Variants in AFAP1L2 observed in about 807,000 individuals in gnomAD.
AFAP1L2 encodes the protein actin filament associated protein 1 like 2.
AFAP1L2 carries 46 observed loss-of-function variants against 99.3 expected under a neutral mutation model. The ratio of observed to expected loss-of-function variants is 0.46; its 90% CI spans 0.37 to 0.59. AFAP1L2 has a LOEUF of 0.59. Among genes scored for constraint, AFAP1L2 ranks in the 20% least tolerant of loss-of-function variants. AFAP1L2 has a pLI of 0.00. For missense variants in AFAP1L2, 959 were observed against 1,034.9 expected, an observed-to-expected ratio of 0.93 and a Z score of 1.01; for synonymous variants, 397 against 419.1, an observed-to-expected ratio of 0.95 and a Z score of 0.64.
chr10:114,371,891 G>C (rs1401935843), intron 1 of AFAP1L2, among the ~76,000 whole-genome samples: 1 of 151,842 alleles, frequency 6.6e-6, no homozygotes, highest in Non-Finnish European at 1.5e-5. Flanking sequence ...TCCCTTTATA[G>C]CTCATATACC....
At chr10:114,332,836 C>A (rs1401504088) in intron 3 of AFAP1L2, among the ~76,000 whole-genome samples, 1 of 152,192 alleles carries the variant, frequency 6.6e-6, no homozygotes, top group Non-Finnish European at 1.5e-5. Context: ...TTGCTGACAC[C>A]ACCATTTACT....
downstream of AFAP1L2, among the ~76,000 whole-genome samples, chr10:114,294,505 C>A (rs192467391): frequency 6.6e-6 from 1 of 152,284 alleles, no homozygotes; most frequent in East Asian, 1.9e-4. Context: ...TTAATTACTA[C>A]TTAGGCAACC....
intron 1 of AFAP1L2, among the ~76,000 whole-genome samples, chr10:114,356,210 G>A (rs1270649013): frequency 1.3e-5 from 2 of 152,100 alleles, no homozygotes; most frequent in Non-Finnish European, 2.9e-5. Flanking sequence ...AGCAGAGTCT[G>A]GGGAAATACT....
At chr10:114,320,029 C>T (rs558225606) in intron 5 of AFAP1L2, among the ~76,000 whole-genome samples, 33 of 152,246 alleles carry the variant, frequency 2.2e-4, no homozygotes, top group African/African-American at 7.2e-4. Flanking sequence ...GGAAGGAGCC[C>T]GGGCACCTAA....
At chr10:114,360,131 C>G (rs559838000) in intron 1 of AFAP1L2, among the ~76,000 whole-genome samples, 1 of 147,758 alleles carries the variant, frequency 6.8e-6, no homozygotes, top group Admixed American at 6.6e-5. Flanking sequence ...GCAGATGGCC[C>G]CTCTATGTGA....
chr10:114,307,724 C>A, intron 10 of AFAP1L2, 81 bp downstream of exon 10: 2 of 1,217,548 alleles, frequency 1.6e-6, no homozygotes, highest in South Asian at 1.2e-5. Flanking sequence ...AACCCCCTGC[C>A]TTCGCTGTCT....
chr10:114,304,956 A>T, intron 10 of AFAP1L2, 26 bp from the exon 11 acceptor site: 1 of 1,277,376 alleles, frequency 7.8e-7, no homozygotes, highest in Non-Finnish European at 1.0e-6. Flanking sequence ...CAGATGCAGG[A>T]GGGGACAGGG....
At chr10:114,319,129 G>A (rs568795342) in intron 5 of AFAP1L2, among the ~76,000 whole-genome samples, 10 of 152,268 alleles carry the variant, frequency 6.6e-5, no homozygotes, top group Admixed American at 2.0e-4. Context: ...ACTTCAGCCT[G>A]GGTGACAGAG....
At chr10:114,350,278 C>T (rs1408503711) in intron 1 of AFAP1L2, among the ~76,000 whole-genome samples, 1 of 152,212 alleles carries the variant, frequency 6.6e-6, no homozygotes, top group Non-Finnish European at 1.5e-5. Context: ...ACTACCTGTC[C>T]ATCCGGCCCA....
downstream of AFAP1L2, chr10:114,290,156 C>T (rs1589848097): frequency 6.6e-7 from 1 of 1,511,016 alleles, no homozygotes; most frequent in Admixed American, 2.0e-5. Context: ...AGCCTTGCAC[C>T]TCTACTGGGC....
chr10:114,337,546 C>A (rs1449658425), intron 2 of AFAP1L2, among the ~76,000 whole-genome samples: 2 of 152,156 alleles, frequency 1.3e-5, no homozygotes, highest in African/African-American at 4.8e-5. Flanking sequence ...CCTTGGGGAA[C>A]CCATGACCAG....
chr10:114,378,706 A>T (rs2055142527), intron 1 of AFAP1L2, among the ~76,000 whole-genome samples: 1 of 152,174 alleles, frequency 6.6e-6, no homozygotes, highest in Admixed American at 6.5e-5. Flanking sequence ...GGCCTAGAGG[A>T]GGAGAAGCAA....
chr10:114,314,542 A>G (rs916450492), intron 6 of AFAP1L2, among the ~76,000 whole-genome samples: 2 of 152,236 alleles, frequency 1.3e-5, no homozygotes, highest in African/African-American at 4.8e-5. Context: ...CCCCTACTAG[A>G]GAAAATACTT....
chr10:114,347,549 C>T (rs1231938941), intron 1 of AFAP1L2, among the ~76,000 whole-genome samples: 1 of 152,090 alleles, frequency 6.6e-6, no homozygotes, highest in Non-Finnish European at 1.5e-5. Context: ...AATCATGACT[C>T]ACTGCACCCT....
chr10:114,288,792 TA>T, the AFAP1L2 span: 1 of 774,578 alleles, frequency 1.3e-6, no homozygotes. Flanking sequence ...GTTCTGTGGC[TA>T]AAAGGAAGAC....
At chr10:114,362,969 C>G (rs774551411) in intron 1 of AFAP1L2, 10 of 985,362 alleles carry the variant, frequency 1.0e-5, no homozygotes, top group Non-Finnish European at 1.1e-5. Context: ...GCACAGTGGG[C>G]CGGGGAATTC....
At chr10:114,360,853 C>T (rs2052295764) in intron 1 of AFAP1L2, among the ~76,000 whole-genome samples, 1 of 152,158 alleles carries the variant, frequency 6.6e-6, no homozygotes, top group Non-Finnish European at 1.5e-5. Flanking sequence ...GTTCTCAGAA[C>T]TTTCCACATG....
chr10:114,322,529 G>A (rs2045536952), intron 5 of AFAP1L2, among the ~76,000 whole-genome samples: 1 of 152,166 alleles, frequency 6.6e-6, no homozygotes, highest in African/African-American at 2.4e-5. Context: ...ACTTCATTCA[G>A]GAATCTGTTT....
At chr10:114,290,343 G>A (rs1417838792), downstream of AFAP1L2, 2 of 1,550,456 alleles carry the variant, frequency 1.3e-6, no homozygotes, top group East Asian at 4.9e-5. Context: ...GGGATGGCTG[G>A]GAGGGCCCCC....
Sources: allele counts gnomAD v4.1 joint callset (sites outside exome capture counted in the v4.1 genomes callset), GRCh38; gene constraint gnomAD v4.1.1; transcripts MANE v1.5; gene names NCBI Gene and HGNC (gene_info 2026-07-23, HGNC 2026-07-21).